Variants in NRXN1 observed in about 807,000 individuals in gnomAD.
NRXN1 encodes the protein neurexin-1.
NRXN1 carries 39 observed loss-of-function variants against 150.9 expected under a neutral mutation model. That is an observed-to-expected ratio of 0.26 (90% CI 0.20 to 0.34). The LOEUF is 0.34. Ranked by LOEUF, NRXN1 falls within the 10% of genes least tolerant of loss-of-function variation. The probability of loss-of-function intolerance (pLI) is 1.00; values close to 1 mark genes in which losing one functional copy is unlikely to be tolerated. For missense variants in NRXN1, 1,815 were observed against 1,949.9 expected (o/e 0.93, Z 1.30); for synonymous variants, 924 against 757.0 (o/e 1.22, Z -3.62).
intron 19 of NRXN1, among the ~76,000 whole-genome samples, chr2:50,064,141 T>C (rs1313434457): frequency 2.0e-5 from 3 of 152,150 alleles, no homozygotes; most frequent in Non-Finnish European, 2.9e-5. Flanking sequence ...TAATTACATA[T>C]GTGTGCATGT....
chr2:50,270,261 T>C (rs556804836), intron 17 of NRXN1, among the ~76,000 whole-genome samples: 1 of 152,304 alleles, frequency 6.6e-6, no homozygotes, highest in African/African-American at 2.4e-5. Flanking sequence ...CAACCTACCA[T>C]CATTTGTAAC....
intron 19 of NRXN1, among the ~76,000 whole-genome samples, chr2:50,064,992 A>G (rs1242465290): frequency 6.6e-6 from 1 of 152,140 alleles, no homozygotes; most frequent in Non-Finnish European, 1.5e-5. Context: ...GAATCAAAGG[A>G]TGGTTTTTGT....
chr2:50,605,263 T>C (rs1676903520), intron 8 of NRXN1, among the ~76,000 whole-genome samples: 1 of 152,228 alleles, frequency 6.6e-6, no homozygotes, highest in African/African-American at 2.4e-5. Context: ...GCATTGTAAT[T>C]CATTTTTATT....
chr2:50,436,438 A>C (rs2104414502), intron 17 of NRXN1, among the ~76,000 whole-genome samples: 1 of 151,074 alleles, frequency 6.6e-6, no homozygotes, highest in Admixed American at 6.6e-5. Context: ...GGGCAACAAG[A>C]GTGAAACTCC....
At chr2:50,248,563 A>T (rs2066730071) in intron 17 of NRXN1, among the ~76,000 whole-genome samples, 1 of 152,226 alleles carries the variant, frequency 6.6e-6, no homozygotes, top group Non-Finnish European at 1.5e-5. Context: ...AAGTTAAAAT[A>T]GAAATTGCCT....
intron 5 of NRXN1, among the ~76,000 whole-genome samples, chr2:50,670,609 A>G (rs1423552097): frequency 6.6e-6 from 1 of 151,898 alleles, no homozygotes; most frequent in Non-Finnish European, 1.5e-5. Flanking sequence ...TGTGGACTTC[A>G]CCAGTTTTTC....
chr2:50,913,024 T>C (rs1220280992), intron 5 of NRXN1: 1 of 151,842 alleles, frequency 6.6e-6, no homozygotes, highest in African/African-American at 2.4e-5. Context: ...TCACTGAAAG[T>C]ACCGATGGGT....
At chr2:50,102,752 A>G (rs1196635501) in intron 18 of NRXN1, among the ~76,000 whole-genome samples, 2 of 152,046 alleles carry the variant, frequency 1.3e-5, no homozygotes, top group African/African-American at 2.4e-5. Context: ...GGCAGAGAAA[A>G]CAGCATGTGC....
chr2:50,840,165 T>C (rs1043502697), intron 5 of NRXN1, among the ~76,000 whole-genome samples: 1 of 152,284 alleles, frequency 6.6e-6, no homozygotes, highest in East Asian at 1.9e-4. Flanking sequence ...TATCTCTACA[T>C]AATAGTTACA....
At chr2:51,015,764 A>C (rs905082724) in intron 2 of NRXN1, among the ~76,000 whole-genome samples, 1 of 152,092 alleles carries the variant, frequency 6.6e-6, no homozygotes, top group Non-Finnish European at 1.5e-5. Flanking sequence ...TGAACAGGAC[A>C]GAGGAAAAGA....
intron 19 of NRXN1, among the ~76,000 whole-genome samples, chr2:50,070,871 A>G (rs1205928890): frequency 6.6e-6 from 1 of 152,182 alleles, no homozygotes; most frequent in Non-Finnish European, 1.5e-5. Context: ...CAGTAGGTAC[A>G]GAGGAGAAAT....
At chr2:50,907,000 G>A (rs1474727860) in intron 5 of NRXN1, among the ~76,000 whole-genome samples, 1 of 151,844 alleles carries the variant, frequency 6.6e-6, no homozygotes, top group Non-Finnish European at 1.5e-5. Context: ...CTCCCCAGAA[G>A]CAAGTCATAG....
chr2:50,615,758 G>C (rs190458866), intron 8 of NRXN1: 6 of 152,128 alleles, frequency 3.9e-5, no homozygotes, highest in African/African-American at 1.4e-4. Context: ...TGTCCTCATA[G>C]AGTCTGAGCA....
At chr2:50,862,078 T>A (rs1246133205) in intron 5 of NRXN1, among the ~76,000 whole-genome samples, 6 of 151,656 alleles carry the variant, frequency 4.0e-5, no homozygotes, top group Non-Finnish European at 5.9e-5. Context: ...GGTGGGCGCC[T>A]GTATTCCCAG....
intron 5 of NRXN1, among the ~76,000 whole-genome samples, chr2:50,645,602 T>C (rs1004008866): frequency 6.6e-6 from 1 of 152,042 alleles, no homozygotes; most frequent in African/African-American, 2.4e-5. Flanking sequence ...AGAGTGCCTG[T>C]CATGTACTAA....
chr2:50,888,868 C>T (rs1467737705), intron 5 of NRXN1, among the ~76,000 whole-genome samples: 1 of 151,524 alleles, frequency 6.6e-6, no homozygotes, highest in East Asian at 1.9e-4. Context: ...TTCCTTTAAC[C>T]TGATGGATTT....
rs150513096 is a variant in NRXN1 at position 50,538,234 on chromosome 2, T to C, written c.2143+19A>G. 1.0e-3 allele frequency: 1,673 copies of C among 1,598,336 alleles called. 16 individuals are homozygous for C. In the African/African-American group the frequency reaches 0.018, roughly 17 times the overall value. ...CTTTTCATCTCAGGGAGTTGGCTGC[T>C]GGGGTTTTAGAATCCTACCTCTCTC... is the stretch of plus-strand genomic sequence containing the variant. On this transcript the variant is annotated intron_variant, in intron 10 of 22. Transcript: ENST00000401669.
At chr2:50,200,905 G>C (rs2062112650) in intron 18 of NRXN1, among the ~76,000 whole-genome samples, 1 of 151,844 alleles carries the variant, frequency 6.6e-6, no homozygotes, top group African/African-American at 2.4e-5. Flanking sequence ...CTTTTTATCA[G>C]TCAATACTAA....
At chr2:50,984,010 C>T (rs1300500091) in intron 2 of NRXN1, among the ~76,000 whole-genome samples, 1 of 151,770 alleles carries the variant, frequency 6.6e-6, no homozygotes, top group Non-Finnish European at 1.5e-5. Flanking sequence ...CTCTATTGCC[C>T]AGGCTGGAAG....
Sources: gnomAD v4.1 joint callset for allele counts (sites outside exome capture counted in the v4.1 genomes callset) on GRCh38, gnomAD v4.1.1 for gene constraint, MANE v1.5 for transcripts, NCBI Gene and HGNC (gene_info 2026-07-23, HGNC 2026-07-21) for gene names.